EYS: variants seen among roughly 807,000 people sequenced by gnomAD.
The protein encoded by EYS is EGF-like photoreceptor maintenance factor, also known as protein eyes shut homolog.
In EYS, 250 loss-of-function variants were observed where a neutral mutation model predicts 282.1. The observed-to-expected ratio is 0.89, with a 90% CI of 0.80 to 0.98. The LOEUF (loss-of-function observed/expected upper bound fraction) is 0.98, where lower values mean the gene tolerates loss of function less well. Among genes scored for constraint, EYS ranks in the 50% least tolerant of loss-of-function variants. The pLI is 0.00. For synonymous variants in EYS, 1,355 were observed against 1,282.9 expected, an observed-to-expected ratio of 1.06 and a Z score of -1.20; for missense variants, 4,016 against 3,709.0, an observed-to-expected ratio of 1.08 and a Z score of -2.15.
intron 13 of EYS, among the ~76,000 whole-genome samples, chr6:65,050,645 T>A (rs1773243793): frequency 6.6e-6 from 1 of 151,638 alleles, no homozygotes; most frequent in East Asian, 1.9e-4. Flanking sequence ...ATCTTTAGTA[T>A]AGCTGTAGAT....
At chr6:65,547,960 C>G (rs1768455636) in intron 2 of EYS, among the ~76,000 whole-genome samples, 1 of 152,154 alleles carries the variant, frequency 6.6e-6, no homozygotes, top group Non-Finnish European at 1.5e-5. Context: ...CTCCAAATTC[C>G]CATTCTTTAT....
intron 28 of EYS, among the ~76,000 whole-genome samples, chr6:64,417,665 G>A (rs995569796): frequency 6.8e-5 from 9 of 132,072 alleles, no homozygotes; most frequent in Non-Finnish European, 1.4e-4. Flanking sequence ...TACCTGTAAG[G>A]GTTGGCTTTT....
chr6:64,021,617 A>G (rs1309198799), intron 33 of EYS, among the ~76,000 whole-genome samples: 2 of 152,330 alleles, frequency 1.3e-5, no homozygotes, highest in East Asian at 3.9e-4. Flanking sequence ...TTTTTCTACA[A>G]TGGATGAATT....
intron 29 of EYS, among the ~76,000 whole-genome samples, chr6:64,384,469 G>A (rs1468475164): frequency 1.3e-5 from 2 of 151,994 alleles, no homozygotes; most frequent in Non-Finnish European, 2.9e-5. Flanking sequence ...CATCTTTCTA[G>A]AACTTATAAT....
intron 2 of EYS, among the ~76,000 whole-genome samples, chr6:65,605,273 T>A (rs977348434): frequency 2.0e-5 from 3 of 151,928 alleles, no homozygotes; most frequent in South Asian, 2.1e-4. Flanking sequence ...CAACAAAAAA[T>A]TTAAAATAAA....
At chr6:64,422,729 T>A (rs575109578) in intron 28 of EYS, among the ~76,000 whole-genome samples, 1 of 152,084 alleles carries the variant, frequency 6.6e-6, no homozygotes, top group African/African-American at 2.4e-5. Flanking sequence ...AACGATGGAG[T>A]GAGAGGTTAA....
intron 22 of EYS, among the ~76,000 whole-genome samples, chr6:64,714,461 C>T (rs1234365766): frequency 1.3e-4 from 20 of 151,152 alleles, no homozygotes; most frequent in Admixed American, 1.3e-3. Flanking sequence ...GCAGTTGACT[C>T]GTGTGTAATA....
intron 2 of EYS, among the ~76,000 whole-genome samples, chr6:65,527,416 A>G (rs1034137): frequency 0.8 from 122,383 of 152,200 alleles, 49,968 homozygotes; most frequent in East Asian, 1. Context: ...CAGCCCAGTA[A>G]CATGATGGAG....
intron 5 of EYS, among the ~76,000 whole-genome samples, chr6:65,443,278 GTATGCATGCATA>G (rs953039719): frequency 3.6e-5 from 4 of 112,640 alleles, no homozygotes; most frequent in African/African-American, 1.1e-4. Context: ...ATATAGACAT[GTATGCATGCATA>G]TATGCATACA....
intron 1 of EYS, among the ~76,000 whole-genome samples, chr6:65,657,099 C>A (rs1767855889): frequency 6.6e-6 from 1 of 151,674 alleles, no homozygotes; most frequent in South Asian, 2.1e-4. Context: ...TATGTTAAGC[C>A]CACTCTTGAG....
intron 26 of EYS, among the ~76,000 whole-genome samples, chr6:64,551,463 A>C (rs1765078742): frequency 6.6e-6 from 1 of 151,556 alleles, no homozygotes; most frequent in Non-Finnish European, 1.5e-5. Flanking sequence ...TAATCTGGAA[A>C]CTGTAAACCA....
chr6:64,035,772 C>T (rs760587135), intron 33 of EYS, among the ~76,000 whole-genome samples: 2 of 152,168 alleles, frequency 1.3e-5, no homozygotes, highest in Non-Finnish European at 2.9e-5. Context: ...ACATTTTTCA[C>T]TGCAGTGCTT....
intron 26 of EYS, among the ~76,000 whole-genome samples, chr6:64,515,481 C>G (rs550201165): frequency 6.6e-6 from 1 of 150,954 alleles, no homozygotes; most frequent in Non-Finnish European, 1.5e-5. Flanking sequence ...CTATTAAAAC[C>G]TTATGATCTC....
At chr6:64,719,631 G>T (rs567977501) in intron 22 of EYS, among the ~76,000 whole-genome samples, 3 of 152,156 alleles carry the variant, frequency 2.0e-5, no homozygotes, top group Middle Eastern at 3.4e-3. Context: ...TTTATATGTC[G>T]CTAAACTTTG....
chr6:63,899,224 C>T (rs1192484241), intron 35 of EYS, among the ~76,000 whole-genome samples: 2 of 152,144 alleles, frequency 1.3e-5, no homozygotes, highest in Non-Finnish European at 2.9e-5. Context: ...CTCATACTGC[C>T]TATTAATGTA....
chr6:64,999,634 A>C (rs1771395951), intron 13 of EYS, among the ~76,000 whole-genome samples: 1 of 152,206 alleles, frequency 6.6e-6, no homozygotes, highest in Non-Finnish European at 1.5e-5. Flanking sequence ...AGACCCTAGC[A>C]GGCAGACACA....
intron 34 of EYS, among the ~76,000 whole-genome samples, chr6:63,996,473 G>T (rs1228720760): frequency 6.6e-6 from 1 of 151,918 alleles, no homozygotes; most frequent in African/African-American, 2.4e-5. Flanking sequence ...AGTAATAGTT[G>T]CAATAGAATA....
chr6:65,631,685 T>G (rs1291835241), intron 2 of EYS, among the ~76,000 whole-genome samples: 1 of 152,172 alleles, frequency 6.6e-6, no homozygotes, highest in South Asian at 2.1e-4. Flanking sequence ...CTTCTTTCCA[T>G]AGAGGGAGAA....
intron 8 of EYS, among the ~76,000 whole-genome samples, chr6:65,368,448 G>T (rs967549494): frequency 2.0e-5 from 3 of 151,504 alleles, no homozygotes; most frequent in Admixed American, 1.3e-4. Context: ...GCCTAGGAAA[G>T]AACAAGCCAA....
Sources: gnomAD v4.1 joint callset for allele counts (sites outside exome capture counted in the v4.1 genomes callset) on GRCh38, gnomAD v4.1.1 for gene constraint, MANE v1.5 for transcripts, NCBI Gene and HGNC (gene_info 2026-07-23, HGNC 2026-07-21) for gene names.